The following RALGAPA1 variants were observed in gnomAD, a reference collection of about 807,000 sequenced individuals.
RALGAPA1 encodes the protein Ral GTPase activating protein catalytic subunit alpha 1.
RALGAPA1 carries 52 observed loss-of-function variants against 269.6 expected under a neutral mutation model. That is an observed-to-expected ratio of 0.19 (90% CI 0.15 to 0.24). The LOEUF (loss-of-function observed/expected upper bound fraction) is 0.24, where lower values mean the gene tolerates loss of function less well. Among genes scored for constraint, RALGAPA1 ranks in the 10% least tolerant of loss-of-function variants. The pLI is 1.00. For missense variants in RALGAPA1, 1,917 were observed against 3,013.9 expected (o/e 0.64, Z 8.52); for synonymous variants, 817 against 1,008.3 (o/e 0.81, Z 3.60).
At chr14:35,594,786 C>A (rs1010350465) in intron 37 of RALGAPA1, among the ~76,000 whole-genome samples, 4 of 151,306 alleles carry the variant, frequency 2.6e-5, no homozygotes, top group African/African-American at 9.7e-5. Context: ...TATGACCTAG[C>A]AAACCTTTTT....
intron 16 of RALGAPA1, among the ~76,000 whole-genome samples, chr14:35,716,391 C>A (rs2068828167): frequency 7.5e-6 from 1 of 133,314 alleles, no homozygotes; most frequent in Non-Finnish European, 1.5e-5. Flanking sequence ...GAGTGAGACT[C>A]CGTCTCAAAA....
rs779681128 is a variant in RALGAPA1, at chr14:35,750,680, C to A, written c.813G>T (p.Gln271His). 3.1e-6 allele frequency: 5 copies of A among 1,602,558 alleles called. No homozygotes were observed. The highest frequency in any genetic ancestry group is 4.3e-6 in the Non-Finnish European group (5 of 1,174,186). Residue 271 changes from glutamine to histidine, a missense_variant, in exon 9 of 42, where the codon CAG becomes CAT. By Grantham distance (24) the Gln-to-His change is conservative (BLOSUM62 0). Around this residue, in one of 11 missense-constraint regions of RALGAPA1, gnomAD observed 462 missense variants for 725.6 expected, o/e 0.64. Coordinates refer to ENST00000680220, the MANE Select transcript of RALGAPA1 (RefSeq NM_001346249.2). ...CGACATAATGTGGCTTTGGTCTCATCTGCGGGATGTCTGTGCAAAATAAAA... is the reference window on the plus strand; with the variant it reads ...CGACATAATGTGGCTTTGGTCTCATATGCGGGATGTCTGTGCAAAATAAAA... ...SLYHPILDIPQMRPKPHYVVI... is the reference protein window; with the variant it reads ...SLYHPILDIPHMRPKPHYVVI...
At chr14:35,794,324 T>TTA (rs879509219) in intron 1 of RALGAPA1, among the ~76,000 whole-genome samples, 19 of 152,026 alleles carry the variant, frequency 1.2e-4, no homozygotes, top group Non-Finnish European at 1.9e-4. Context: ...TAAATTTATT[T>TTA]TATATATATC....
At chr14:35,714,258 TAAGGACTCC>T (rs1235695546) in intron 16 of RALGAPA1, among the ~76,000 whole-genome samples, 3 of 152,166 alleles carry the variant, frequency 2.0e-5, no homozygotes, top group African/African-American at 7.2e-5. Context: ...TAGCAATATA[TAAGGACTCC>T]AATTTCTCCA....
chr14:35,635,514 C>T lies in RALGAPA1; in HGVS notation c.5761G>A (p.Gly1921Arg), dbSNP rs2061612709. The stretch of plus-strand genomic sequence containing the variant: ...TTTTCTGTTTTATCGCTTTCTGCTC[C>T]CGTAGCATGAAATGGTTGGAGCAGT... ...KTLLQPFHAT[G>R]AESDKTEKSV... Residue 1921 changes from glycine to arginine, a missense_variant, in exon 32 of 42, where the codon GGA (glycine) becomes AGA (arginine). Gly to Arg is a moderately radical substitution (Grantham distance 125). Around this residue, in one of 11 missense-constraint regions of RALGAPA1, gnomAD observed 346 missense variants for 566.1 expected, o/e 0.61. Coordinates refer to ENST00000680220, the MANE Select transcript of RALGAPA1 (RefSeq NM_001346249.2). 1 of 1,608,208 alleles carries T rather than the reference C, an allele frequency of 6.2e-7. No individual in the cohort carries two copies. The highest frequency in any genetic ancestry group is 8.5e-7 in the Non-Finnish European group (1 of 1,177,396).
chr14:35,795,943 A>G (rs1016269684), intron 1 of RALGAPA1, among the ~76,000 whole-genome samples: 1 of 152,118 alleles, frequency 6.6e-6, no homozygotes, highest in African/African-American at 2.4e-5. Flanking sequence ...CTGCCCCCAA[A>G]AACAGAACGA....
At chr14:35,736,985 G>C (rs750845006) in intron 12 of RALGAPA1, among the ~76,000 whole-genome samples, 26 of 150,398 alleles carry the variant, frequency 1.7e-4, no homozygotes, top group Non-Finnish European at 3.0e-4. Flanking sequence ...GCAGTGAGCT[G>C]AGATTGTGCC....
chr14:35,699,963 T>C (rs2140606110), intron 17 of RALGAPA1, among the ~76,000 whole-genome samples, 199 bp downstream of exon 17: 1 of 151,496 alleles, frequency 6.6e-6, no homozygotes, highest in South Asian at 2.1e-4. Context: ...GCACTAAACT[T>C]AGCACTTCCA....
intron 32 of RALGAPA1, 63 bp downstream of exon 32, chr14:35,635,401 G>C: frequency 1.4e-6 from 2 of 1,440,914 alleles, no homozygotes; most frequent in Non-Finnish European, 1.9e-6. Flanking sequence ...ACTGAGAAAT[G>C]TTATTTCTCT....
intron 7 of RALGAPA1, among the ~76,000 whole-genome samples, chr14:35,756,098 A>C (rs1312481777): frequency 6.6e-6 from 1 of 152,192 alleles, no homozygotes; most frequent in Non-Finnish European, 1.5e-5. Flanking sequence ...TAAATCAAAC[A>C]ATTTTCAGCT....
At chr14:35,582,225 T>C (rs1475692610) in intron 37 of RALGAPA1, among the ~76,000 whole-genome samples, 1 of 152,092 alleles carries the variant, frequency 6.6e-6, no homozygotes, top group Non-Finnish European at 1.5e-5. Flanking sequence ...GAAGGAGGAA[T>C]GGGGAATTAC....
chr14:35,609,250 A>C (rs2059778950), intron 35 of RALGAPA1, among the ~76,000 whole-genome samples: 1 of 151,976 alleles, frequency 6.6e-6, no homozygotes, highest in African/African-American at 2.4e-5. Context: ...CAAAAAACAA[A>C]AAAAAACAAG....
intron 36 of RALGAPA1, among the ~76,000 whole-genome samples, chr14:35,604,259 G>C (rs542833757): frequency 6.6e-6 from 1 of 151,996 alleles, no homozygotes; most frequent in African/African-American, 2.4e-5. Flanking sequence ...TATACACATT[G>C]TTTTCAAGGG....
At chr14:35,657,050 TA>T (rs1376547117) in intron 28 of RALGAPA1, among the ~76,000 whole-genome samples, 1 of 152,128 alleles carries the variant, frequency 6.6e-6, no homozygotes, top group African/African-American at 2.4e-5. Flanking sequence ...AGGATATATA[TA>T]TTTTTTTCTT....
intron 16 of RALGAPA1, chr14:35,706,853 T>C (rs1188479470): frequency 6.6e-6 from 1 of 152,134 alleles, no homozygotes; most frequent in Non-Finnish European, 1.5e-5. Flanking sequence ...ATATAAATTT[T>C]AGATTCTGTC....
intron 1 of RALGAPA1, among the ~76,000 whole-genome samples, chr14:35,786,312 G>C (rs1225560346): frequency 6.6e-6 from 1 of 152,134 alleles, no homozygotes; most frequent in Non-Finnish European, 1.5e-5. Flanking sequence ...AGTCAGGGAA[G>C]TGGCATCATC....
intron 30 of RALGAPA1, among the ~76,000 whole-genome samples, chr14:35,652,840 C>T (rs2062932616): frequency 6.6e-6 from 1 of 151,900 alleles, no homozygotes; most frequent in African/African-American, 2.4e-5. Context: ...TTATCATTTA[C>T]CCTGGAAATC....
At chr14:35,669,767 T>C (rs1337811200) in intron 26 of RALGAPA1, among the ~76,000 whole-genome samples, 2 of 152,232 alleles carry the variant, frequency 1.3e-5, no homozygotes, top group Non-Finnish European at 2.9e-5. Flanking sequence ...TCCCCAGCAG[T>C]AGACATTATG....
chr14:35,750,537 T>C lies in RALGAPA1; in HGVS notation c.956A>G (p.His319Arg). Reference sequence around the variant, plus strand: ...CATCCCAGGAATATGAGGTCCTGTATGTGGTTTTGGCTCCAGCCAGAAAGA... The same window carrying C: ...CATCCCAGGAATATGAGGTCCTGTACGTGGTTTTGGCTCCAGCCAGAAAGA... ...LVSFWLEPKP[H>R]TGPHIPGMEG... Residue 319 changes from histidine (H) to arginine (R), a missense_variant, in exon 9 of 42, where the codon CAT (histidine) becomes CGT (arginine). Physicochemically the swap from His to Arg is conservative, Grantham distance 29. Coordinates refer to ENST00000680220, the MANE Select transcript of RALGAPA1 (RefSeq NM_001346249.2). 1 of 1,613,222 alleles carries C rather than the reference T, an allele frequency of 6.2e-7. No individual in the cohort carries two copies. Among genetic ancestry groups the C allele is most frequent in the Non-Finnish European group, 8.5e-7 (1 of 1,179,506 alleles).
Sources: gnomAD v4.1 joint callset for allele counts (sites outside exome capture counted in the v4.1 genomes callset) on GRCh38, gnomAD v4.1.1 for gene constraint, gnomAD v4.1.1 regional missense constraint, MANE v1.5 for transcripts, NCBI Gene and HGNC (gene_info 2026-07-23, HGNC 2026-07-21) for gene names.